Variants in ITGA9 observed in about 807,000 individuals in gnomAD.
ITGA9 encodes the protein integrin subunit alpha 9.
Under a neutral mutation model 127.8 loss-of-function variants are expected in ITGA9, and 56 were observed. That is an observed-to-expected ratio of 0.44 (90% CI 0.35 to 0.55). ITGA9 has a LOEUF of 0.55. Among genes scored for constraint, ITGA9 ranks in the 20% least tolerant of loss-of-function variants. ITGA9 has a pLI of 0.00. For missense variants in ITGA9, 1,196 were observed against 1,347.1 expected, an observed-to-expected ratio of 0.89 and a Z score of 1.76; for synonymous variants, 508 against 514.5, an observed-to-expected ratio of 0.99 and a Z score of 0.17.
intron 15 of ITGA9, among the ~76,000 whole-genome samples, chr3:37,566,252 T>A (rs1399104499): frequency 2.0e-5 from 3 of 152,220 alleles, no homozygotes; most frequent in Non-Finnish European, 4.4e-5. Flanking sequence ...TTCAATCTGA[T>A]AACTGAGACA....
At chr3:37,506,937 G>A (rs755874634) in intron 7 of ITGA9, among the ~76,000 whole-genome samples, 3 of 152,194 alleles carry the variant, frequency 2.0e-5, no homozygotes, top group Non-Finnish European at 4.4e-5. Context: ...GCCCAGATGA[G>A]CTGAGACCAC....
chr3:37,524,326 C>T (rs940669718), intron 12 of ITGA9, among the ~76,000 whole-genome samples: 5 of 152,210 alleles, frequency 3.3e-5, no homozygotes, highest in African/African-American at 1.2e-4. Flanking sequence ...ATTCAGGAAA[C>T]ATTTCTCTAA....
At chr3:37,632,808 A>G (rs934802876) in intron 16 of ITGA9, among the ~76,000 whole-genome samples, 8 of 152,212 alleles carry the variant, frequency 5.3e-5, no homozygotes, top group Non-Finnish European at 8.8e-5. Context: ...ATTAGAAACT[A>G]AACTATGATG....
At chr3:37,546,025 T>C (rs962769875) in intron 15 of ITGA9, among the ~76,000 whole-genome samples, 5 of 152,230 alleles carry the variant, frequency 3.3e-5, no homozygotes, top group Admixed American at 3.3e-4. Flanking sequence ...CTTAAACTCA[T>C]ACTGCCTGTG....
chr3:37,477,012 A>C (rs2125556440), intron 3 of ITGA9, among the ~76,000 whole-genome samples: 1 of 152,342 alleles, frequency 6.6e-6, no homozygotes, highest in African/African-American at 2.4e-5. Context: ...ACCAGGAAAC[A>C]TTCTGTAAAA....
intron 18 of ITGA9, among the ~76,000 whole-genome samples, chr3:37,688,683 A>G (rs182953263): frequency 3.3e-5 from 5 of 152,226 alleles, no homozygotes; most frequent in Non-Finnish European, 7.4e-5. Flanking sequence ...AGCTGCCTTT[A>G]CCCAGGAATC....
chr3:37,649,103 A>G (rs1700405851), intron 16 of ITGA9, among the ~76,000 whole-genome samples: 1 of 150,662 alleles, frequency 6.6e-6, no homozygotes, highest in Non-Finnish European at 1.5e-5. Flanking sequence ...AAAGGAATCA[A>G]AACCTATCGA....
chr3:37,699,269 C>T lies in ITGA9; in HGVS notation c.2067+15254C>T, dbSNP rs557847620. 6.6e-5 allele frequency among the ~76,000 whole-genome samples: 10 copies of T among 152,280 alleles called. No homozygotes were observed. In the South Asian group the frequency reaches 1.9e-3, roughly 28 times the overall value. On this transcript the variant is annotated intron_variant, in intron 18 of 27. Coordinates refer to ENST00000264741, the MANE Select transcript of ITGA9 (RefSeq NM_002207.3). ...CCCAGAGCTCACTCCTGAACTCCAG[C>T]GTTGGGTACCAAATTGCCTGTTTGG...
rs968521441 is a variant in ITGA9, at chr3:37,688,976, G to A, written c.2067+4961G>A. Among the ~76,000 whole-genome samples, 6 of 150,900 alleles carry A rather than the reference G, an allele frequency of 4.0e-5. No individual in the cohort carries two copies. In the East Asian group the frequency reaches 1.2e-3, roughly 29 times the overall value. The stretch of plus-strand genomic sequence containing the variant: ...TATGTGGGTGGATGGGCAGGTGAGT[G>A]GATGACTGGCTGGGTGGATGGGTGT... On this transcript the variant is annotated intron_variant, in intron 18 of 27. Transcript: ENST00000264741.
Position 37,452,848 on chromosome 3 carries a change from T to C in ITGA9, c.185+289T>C, listed in dbSNP as rs1006399023. Among the ~76,000 whole-genome samples the C allele has an allele frequency of 7.2e-5, 11 of 152,020 alleles. No individual in the cohort carries two copies. Among genetic ancestry groups the C allele is most frequent in the Non-Finnish European group, 1.2e-4 (8 of 67,974 alleles). ...GGGGAGAGCCGCTAGAGTTGTCTCCTCCGCCGCCCAGCTAGACTCGGCTTC... is the reference window on the plus strand; with the variant it reads ...GGGGAGAGCCGCTAGAGTTGTCTCCCCCGCCGCCCAGCTAGACTCGGCTTC... On this transcript the variant is annotated intron_variant, in intron 1 of 27. Coordinates refer to ENST00000264741, the MANE Select transcript of ITGA9 (RefSeq NM_002207.3). This position sits in a 1 kb window ranked among gnomAD's most constrained non-coding sequence, Gnocchi z 7.3.
At chr3:37,721,490 T>G (rs904853506) in intron 18 of ITGA9, among the ~76,000 whole-genome samples, 1 of 152,222 alleles carries the variant, frequency 6.6e-6, no homozygotes, top group African/African-American at 2.4e-5. Context: ...CTCAAACATT[T>G]GTTTTGACTC....
chr3:37,622,151 T>TC (rs1169564636), intron 15 of ITGA9, among the ~76,000 whole-genome samples: 44 of 151,208 alleles, frequency 2.9e-4, no homozygotes, highest in South Asian at 6.3e-4. Context: ...TTTTTTTTTT[T>TC]TCCCCGGCTC....
At chr3:37,625,788 A>G (rs1390416259) in intron 15 of ITGA9, among the ~76,000 whole-genome samples, 1 of 152,140 alleles carries the variant, frequency 6.6e-6, no homozygotes, top group Non-Finnish European at 1.5e-5. Flanking sequence ...AGCTCAGATA[A>G]AACAGGCCCA....
At chr3:37,492,912 T>G (rs1698687364) in intron 4 of ITGA9, among the ~76,000 whole-genome samples, 1 of 152,350 alleles carries the variant, frequency 6.6e-6, no homozygotes, top group Non-Finnish European at 1.5e-5. Flanking sequence ...ATTTGTATTA[T>G]TTCTTGCTAT....
chr3:37,488,866 C>T (rs995099578), intron 4 of ITGA9, among the ~76,000 whole-genome samples: 2 of 152,036 alleles, frequency 1.3e-5, no homozygotes, highest in Admixed American at 1.3e-4. Flanking sequence ...TTTAAGTGTA[C>T]AGTTCTGTAG....
chr3:37,563,233 T>C (rs1699511807), intron 15 of ITGA9, among the ~76,000 whole-genome samples: 1 of 152,214 alleles, frequency 6.6e-6, no homozygotes, highest in East Asian at 1.9e-4. Context: ...ATTCTGTTTG[T>C]TGGTTATCAT....
intron 5 of ITGA9, among the ~76,000 whole-genome samples, chr3:37,494,933 G>A (rs547539001): frequency 6.4e-4 from 97 of 152,152 alleles, no homozygotes; most frequent in Non-Finnish European, 1.1e-3. Context: ...TACATGAAGC[G>A]TGTGAGCATC....
chr3:37,786,628 A>G (rs79476334), intron 26 of ITGA9, among the ~76,000 whole-genome samples: 1 of 151,876 alleles, frequency 6.6e-6, no homozygotes, highest in Non-Finnish European at 1.5e-5. Flanking sequence ...AAAAAAAAAA[A>G]CCAATAGTAA....
chr3:37,641,654 G>A (rs1398361590), intron 16 of ITGA9, among the ~76,000 whole-genome samples: 1 of 152,072 alleles, frequency 6.6e-6, no homozygotes, highest in Non-Finnish European at 1.5e-5. Flanking sequence ...TCCCGCTGAG[G>A]AGCTCCCTTC....
Sources: gnomAD v4.1 joint callset for allele counts (sites outside exome capture counted in the v4.1 genomes callset) on GRCh38, gnomAD v4.1.1 for gene constraint, Gnocchi (gnomAD v3.1) non-coding constraint, MANE v1.5 for transcripts, NCBI Gene and HGNC (gene_info 2026-07-23, HGNC 2026-07-21) for gene names.